ASTN2: variants seen among roughly 807,000 people sequenced by gnomAD.
ASTN2 encodes astrotactin-2.
ASTN2 carries 54 observed loss-of-function variants against 139.8 expected under a neutral mutation model. The ratio of observed to expected loss-of-function variants is 0.39; its 90% CI spans 0.31 to 0.48. ASTN2 has a LOEUF of 0.48. Among genes scored for constraint, ASTN2 ranks in the 20% least tolerant of loss-of-function variants. The pLI is 0.95. For missense variants in ASTN2, 1,565 were observed against 1,725.1 expected, an observed-to-expected ratio of 0.91 and a Z score of 1.64; for synonymous variants, 756 against 719.5, an observed-to-expected ratio of 1.05 and a Z score of -0.81.
At chr9:116,661,846 C>T (rs1858579257) in intron 16 of ASTN2, among the ~76,000 whole-genome samples, 1 of 151,772 alleles carries the variant, frequency 6.6e-6, no homozygotes, top group South Asian at 2.1e-4. Flanking sequence ...GGGAACATCA[C>T]ACACCGGGGC....
intron 14 of ASTN2, 31 bp from the exon 15 acceptor site, chr9:116,729,127 C>T (rs552756520): frequency 3.3e-6 from 5 of 1,517,450 alleles, no homozygotes; most frequent in Admixed American, 3.9e-5. Context: ...GTCACGTGAG[C>T]CCAGAATTAA....
chr9:116,933,979 C>CTTTTTTTTTTTTTTGTT (rs1834988135), intron 10 of ASTN2, among the ~76,000 whole-genome samples: 2 of 86,910 alleles, frequency 2.3e-5, no homozygotes, highest in Non-Finnish European at 4.4e-5. Context: ...AGTGTTAGTC[C>CTTTTTTTTTTTTTTGTT]TTTTTTTTTT....
At chr9:116,717,686 C>G (rs1441469239) in intron 16 of ASTN2, among the ~76,000 whole-genome samples, 1 of 152,130 alleles carries the variant, frequency 6.6e-6, no homozygotes, top group African/African-American at 2.4e-5. Flanking sequence ...GCCCTGGGGT[C>G]AAGCAGCTAG....
At chr9:116,686,001 A>C (rs1406991135) in intron 16 of ASTN2, among the ~76,000 whole-genome samples, 1 of 152,162 alleles carries the variant, frequency 6.6e-6, no homozygotes, top group East Asian at 1.9e-4. Flanking sequence ...AAGTCTCCCC[A>C]ACTGGTCTAA....
intron 20 of ASTN2, among the ~76,000 whole-genome samples, chr9:116,448,067 G>A (rs1848056960): frequency 6.6e-6 from 1 of 152,192 alleles, no homozygotes; most frequent in Non-Finnish European, 1.5e-5. Context: ...GTCCCCGAGA[G>A]TATAGGAGAA....
chr9:116,754,762 T>A (rs1019494185), intron 13 of ASTN2, among the ~76,000 whole-genome samples: 3 of 151,996 alleles, frequency 2.0e-5, no homozygotes, highest in East Asian at 3.9e-4. Context: ...CTAAAAAAAA[T>A]AAAATAAAAA....
At chr9:117,112,441 A>C (rs1829274324) in intron 4 of ASTN2, among the ~76,000 whole-genome samples, 2 of 152,160 alleles carry the variant, frequency 1.3e-5, no homozygotes, top group Admixed American at 1.3e-4. Flanking sequence ...AAAGGATAGG[A>C]ATATAAATCA....
intron 10 of ASTN2, among the ~76,000 whole-genome samples, chr9:116,892,120 T>G (rs1444698608): frequency 6.6e-6 from 1 of 152,234 alleles, no homozygotes; most frequent in Non-Finnish European, 1.5e-5. Flanking sequence ...CTAATTATAG[T>G]ATTTCATTTA....
intron 1 of ASTN2, among the ~76,000 whole-genome samples, chr9:117,330,465 A>G (rs528245414): frequency 6.6e-6 from 1 of 152,300 alleles, no homozygotes; most frequent in Admixed American, 6.5e-5. Flanking sequence ...AGAGCAGAAG[A>G]GAATAGAGGA....
intron 3 of ASTN2, among the ~76,000 whole-genome samples, chr9:117,202,633 A>C (rs1226465107): frequency 6.6e-6 from 1 of 152,086 alleles, no homozygotes; most frequent in East Asian, 1.9e-4. Flanking sequence ...TCTGGGTTGA[A>C]AATTCTTTAA....
At chr9:116,748,118 G>A (rs1829297028) in intron 13 of ASTN2, among the ~76,000 whole-genome samples, 1 of 152,144 alleles carries the variant, frequency 6.6e-6, no homozygotes, top group African/African-American at 2.4e-5. Flanking sequence ...TTAGAGATGT[G>A]GCTGGAGAAA....
At chr9:116,536,629 C>T (rs868064946) in intron 19 of ASTN2, among the ~76,000 whole-genome samples, 1 of 152,194 alleles carries the variant, frequency 6.6e-6, no homozygotes, top group Non-Finnish European at 1.5e-5. Flanking sequence ...CACTCCAGAC[C>T]CTGTTTGCCT....
intron 3 of ASTN2, among the ~76,000 whole-genome samples, chr9:117,144,346 A>T (rs1289955248): frequency 6.6e-6 from 1 of 152,210 alleles, no homozygotes; most frequent in Non-Finnish European, 1.5e-5. Context: ...GAAATGTTCC[A>T]AAATCTGAAA....
At chr9:116,943,552 C>T (rs1162523379) in intron 10 of ASTN2, among the ~76,000 whole-genome samples, 2 of 152,092 alleles carry the variant, frequency 1.3e-5, no homozygotes, top group African/African-American at 4.8e-5. Flanking sequence ...ATTGTATGTA[C>T]ATTATATCTC....
chr9:116,766,229 A>G (rs1829803727), intron 13 of ASTN2, among the ~76,000 whole-genome samples: 1 of 152,036 alleles, frequency 6.6e-6, no homozygotes, highest in African/African-American at 2.4e-5. Flanking sequence ...TCTTACCCCC[A>G]TGGGTATACA....
At chr9:116,567,543 C>T (rs1241900435) in intron 19 of ASTN2, among the ~76,000 whole-genome samples, 2 of 152,094 alleles carry the variant, frequency 1.3e-5, no homozygotes, top group East Asian at 1.9e-4. Context: ...GTAGGCTCTG[C>T]CAGATGGGGA....
At chr9:116,948,796 T>TTTG (rs1835475800) in intron 10 of ASTN2, among the ~76,000 whole-genome samples, 1 of 122,766 alleles carries the variant, frequency 8.1e-6, no homozygotes, top group Non-Finnish European at 1.7e-5. Context: ...TTTTTTTTTT[T>TTTG]TTTTTTTTTT....
intron 1 of ASTN2, among the ~76,000 whole-genome samples, chr9:117,404,554 G>T (rs1200699890): frequency 6.6e-6 from 1 of 152,182 alleles, no homozygotes; most frequent in Non-Finnish European, 1.5e-5. Flanking sequence ...TATTACGTAT[G>T]TGTGTGTATG....
At chr9:117,106,051 G>A (rs1180225984) in intron 4 of ASTN2, among the ~76,000 whole-genome samples, 3 of 152,246 alleles carry the variant, frequency 2.0e-5, no homozygotes, top group East Asian at 1.9e-4. Flanking sequence ...GCAGATTTGA[G>A]TATCTGAGGT....
Sources: gnomAD v4.1 joint callset for allele counts (sites outside exome capture counted in the v4.1 genomes callset) on GRCh38, gnomAD v4.1.1 for gene constraint, MANE v1.5 for transcripts, NCBI Gene and HGNC (gene_info 2026-07-23, HGNC 2026-07-21) for gene names.